Variants in DRC1 observed in about 807,000 individuals in gnomAD.
DRC1 encodes the protein dynein regulatory complex subunit 1.
A neutral mutation model predicts 98.7 loss-of-function variants in DRC1; 74 were observed. The observed-to-expected ratio is 0.75, with a 90% CI of 0.62 to 0.91. DRC1 has a LOEUF of 0.91. Ranked by LOEUF, DRC1 falls within the 40% of genes least tolerant of loss-of-function variation. The pLI is 0.00. For synonymous variants in DRC1, 336 were observed against 334.1 expected (o/e 1.01, Z -0.06); for missense variants, 875 against 886.0 (o/e 0.99, Z 0.16).
rs748628980 is a variant in DRC1 at position 26,453,526 on chromosome 2, C to T, written c.1896C>T (p.Phe632=). Residue 632 remains phenylalanine (F), a synonymous_variant, in exon 14 of 17, where the codon TTC becomes TTT. Coordinates refer to ENST00000288710, the MANE Select transcript of DRC1 (RefSeq NM_145038.5). The part of the protein sequence containing the change: ...PNDVLKILEA[F]VMGLKKPRDS... ...ATGTCCTCAAGATTCTGGAGGCCTT[C>T]GTCATGGGTCTGAAGAAGCCTAGGT... The T allele has an allele frequency of 1.2e-5, 20 of 1,613,994 alleles. No homozygotes were observed. The highest frequency in any genetic ancestry group is 9.9e-5 in the South Asian group (9 of 91,082).
rs1468533358 is a variant in DRC1 at position 26,430,815 on chromosome 2, A to G, written c.708A>G (p.Leu236=). The change falls in exon 6 of 17, where the codon CTA becomes CTG. Residue 236 remains leucine, a synonymous_variant. Transcript: ENST00000288710. ...CATTTGAGGTGGAACGCCAAGAGCT[A>G]CTGGCCAGTAATAAGAAGAAATGGG... ...EKAFEVERQE[L]LASNKKKWEQ... 6.3e-7 allele frequency: 1 copy of G among 1,598,904 alleles called. No individual in the cohort carries two copies. Among genetic ancestry groups the G allele is most frequent in the African/African-American group, 1.3e-5 (1 of 74,680 alleles).
intron 7 of DRC1, among the ~76,000 whole-genome samples, chr2:26,438,087 CAAAA>C (rs61571007): frequency 4.6e-4 from 23 of 50,108 alleles, no homozygotes; most frequent in African/African-American, 7.2e-4. Flanking sequence ...GACTCTATCT[CAAAA>C]AAAAAAAAAA....
intron 4 of DRC1, among the ~76,000 whole-genome samples, chr2:26,428,690 C>CGG (rs1329890365): frequency 6.6e-6 from 1 of 151,624 alleles, no homozygotes; most frequent in East Asian, 1.9e-4. Context: ...CCCAGCTACC[C>CGG]GGGAGGCTGG....
chr2:26,445,151 G>A (rs147083248), intron 10 of DRC1, among the ~76,000 whole-genome samples: 286 of 152,310 alleles, frequency 1.9e-3, no homozygotes, highest in Non-Finnish European at 2.9e-3. Flanking sequence ...TTGATCAGAT[G>A]CAGGTCCAAT....
chr2:26,430,493 G>A, intron 5 of DRC1: 1 of 526,508 alleles, frequency 1.9e-6, no homozygotes. Flanking sequence ...CCGTGTGACT[G>A]CCAACAGGGG....
At chr2:26,408,601 C>G (rs914380311) in intron 1 of DRC1, among the ~76,000 whole-genome samples, 1 of 151,996 alleles carries the variant, frequency 6.6e-6, no homozygotes, top group African/African-American at 2.4e-5. Context: ...GGTAAAACCC[C>G]GTCTCTACTA....
intron 7 of DRC1, among the ~76,000 whole-genome samples, chr2:26,436,843 C>T (rs1425049056): frequency 6.6e-6 from 1 of 152,176 alleles, no homozygotes; most frequent in East Asian, 1.9e-4. Context: ...GACATTCAGG[C>T]ACTCTGGGTC....
intron 1 of DRC1, among the ~76,000 whole-genome samples, chr2:26,410,839 A>ACAAAG (rs949423263): frequency 4.6e-5 from 7 of 152,128 alleles, no homozygotes; most frequent in African/African-American, 1.7e-4. Context: ...ACAAAACAAA[A>ACAAAG]CAAAACAAAA....
chr2:26,442,822 T>G (rs541633797), intron 8 of DRC1, among the ~76,000 whole-genome samples: 1 of 152,160 alleles, frequency 6.6e-6, no homozygotes, highest in Non-Finnish European at 1.5e-5. Context: ...AACTCTGGAC[T>G]TTTTTTGTTG....
chr2:26,423,523 C>T (rs1265259851), intron 3 of DRC1, among the ~76,000 whole-genome samples: 3 of 152,158 alleles, frequency 2.0e-5, no homozygotes, highest in African/African-American at 4.8e-5. Flanking sequence ...CCTGCCACCT[C>T]GCCCCAGCCT....
intron 13 of DRC1, among the ~76,000 whole-genome samples, chr2:26,451,973 C>T (rs1014099303): frequency 6.6e-6 from 1 of 152,092 alleles, no homozygotes; most frequent in Non-Finnish European, 1.5e-5. Context: ...ATGAACAACT[C>T]CTAGAAGAGG....
intron 14 of DRC1, among the ~76,000 whole-genome samples, chr2:26,453,997 A>G (rs529681473): frequency 6.6e-6 from 1 of 152,312 alleles, no homozygotes; most frequent in African/African-American, 2.4e-5. Context: ...AGCATGGGGA[A>G]GGTCTGGTCT....
intron 1 of DRC1, among the ~76,000 whole-genome samples, chr2:26,404,599 G>A (rs888750771): frequency 1.3e-5 from 2 of 152,158 alleles, no homozygotes; most frequent in Admixed American, 1.3e-4. Context: ...TTCCTGCATC[G>A]TTGAGATACT....
chr2:26,444,747 T>C lies in DRC1; in HGVS notation c.1195T>C (p.Trp399Arg), dbSNP rs939820. Residue 399 changes from tryptophan (W) to arginine (R), a missense_variant, in exon 10 of 17, where the codon TGG (tryptophan) becomes CGG (arginine). Transcript: ENST00000288710. ...HFALIDDEKF[W>R]EIWLMNEEEA... ...TGCTCTTATTGATGATGAGAAGTTT[T>C]GGGAGATTTGGCTGATGAATGAAGA... 1,613,503 of 1,614,136 alleles carry C rather than the reference T, an allele frequency of 1. 806,436 individuals are homozygous for C. The highest frequency in any genetic ancestry group is 1 in the East Asian group (44,886 of 44,886).
intron 13 of DRC1, among the ~76,000 whole-genome samples, chr2:26,451,320 T>C (rs1185251230): frequency 1.3e-5 from 2 of 152,178 alleles, no homozygotes; most frequent in African/African-American, 4.8e-5. Flanking sequence ...TCCTTAACAC[T>C]TTCCCGCAAG....
chr2:26,405,208 A>G (rs1300347150), intron 1 of DRC1, among the ~76,000 whole-genome samples: 1 of 152,140 alleles, frequency 6.6e-6, no homozygotes, highest in Non-Finnish European at 1.5e-5. Flanking sequence ...GTGAGCACCT[A>G]TGAGTTGTAT....
chr2:26,427,148 G>A (rs142924848), intron 4 of DRC1, among the ~76,000 whole-genome samples: 2,855 of 151,772 alleles, frequency 0.019, 72 homozygotes, highest in African/African-American at 0.064. Flanking sequence ...ACAGAGTCTC[G>A]CTCTGTCACC....
At chr2:26,414,166 G>T (rs938648776) in intron 1 of DRC1, among the ~76,000 whole-genome samples, 178 bp from the exon 2 acceptor site, 4 of 142,684 alleles carry the variant, frequency 2.8e-5, no homozygotes, top group African/African-American at 5.4e-5. Flanking sequence ...AATAGAGATG[G>T]GGGTCTTGCT....
At chr2:26,436,678 G>A (rs559004574) in intron 7 of DRC1, among the ~76,000 whole-genome samples, 1 of 152,142 alleles carries the variant, frequency 6.6e-6, no homozygotes, top group African/African-American at 2.4e-5. Flanking sequence ...GCATGCATAT[G>A]GTAGAGCTTG....
Sources: allele counts gnomAD v4.1 joint callset (sites outside exome capture counted in the v4.1 genomes callset), GRCh38; gene constraint gnomAD v4.1.1; transcripts MANE v1.5; gene names NCBI Gene and HGNC (gene_info 2026-07-23, HGNC 2026-07-21).